ACYP2: variants seen among roughly 807,000 people sequenced by gnomAD.
ACYP2 encodes the protein acylphosphatase 2, also known as acylphosphatase-2.
Under a neutral mutation model 11.2 loss-of-function variants are expected in ACYP2, and 12 were observed. The ratio of observed to expected loss-of-function variants is 1.08; its 90% CI spans 0.69 to 1.74. The LOEUF (loss-of-function observed/expected upper bound fraction) is 1.74, where lower values mean the gene tolerates loss of function less well. Among genes scored for constraint, ACYP2 ranks in the 40% most tolerant of loss-of-function variants. The pLI is 0.00. For missense variants in ACYP2, 134 were observed against 101.9 expected, an observed-to-expected ratio of 1.31 and a Z score of -1.35; for synonymous variants, 43 against 32.2, an observed-to-expected ratio of 1.33 and a Z score of -1.13.
chr2:54,014,723 TAAA>T (rs944781129), intron 2 of ACYP2, among the ~76,000 whole-genome samples: 6 of 147,132 alleles, frequency 4.1e-5, no homozygotes, highest in Admixed American at 2.7e-4. Context: ...AATAAATTTG[TAAA>T]AAAAAAATTT....
chr2:54,125,331 A>G (rs1265095557), intron 4 of ACYP2, among the ~76,000 whole-genome samples: 1 of 152,216 alleles, frequency 6.6e-6, no homozygotes, highest in Admixed American at 6.5e-5. Context: ...AAACGCCATA[A>G]TCTTGCATGT....
rs1232477516 is a variant in ACYP2 at position 54,197,936 on chromosome 2, TGTA to T, written c.404+59189_404+59191del. 2.2e-4 allele frequency among the ~76,000 whole-genome samples: 17 copies of T among 76,198 alleles called. No individual in the cohort carries two copies. In the East Asian group the frequency reaches 5.2e-3, roughly 23 times the overall value. The allele number at this position is 76,198 out of a possible 152,430, so 50.0% of individuals were successfully genotyped here. A position where few individuals can be genotyped will look rare whatever the true frequency, so the allele number is the denominator to read the frequency against. ...TTTATTATTTTATTTTATTTATGTA[TGTA>T]TTATATTGTATTGTATTGTATTGTA... On this transcript the variant is annotated intron_variant, in intron 6 of 6. Transcript: ENST00000607452.
chr2:54,153,238 C>A (rs1030513309), intron 6 of ACYP2, among the ~76,000 whole-genome samples: 5 of 144,710 alleles, frequency 3.5e-5, no homozygotes, highest in African/African-American at 1.3e-4. Context: ...TGTCTTTGCC[C>A]CATCGTGTGT....
At chr2:53,989,277 CTTTTTTTT>C (rs775237196) in intron 2 of ACYP2, among the ~76,000 whole-genome samples, 24 of 94,806 alleles carry the variant, frequency 2.5e-4, no homozygotes, top group African/African-American at 9.4e-4. Flanking sequence ...GTAGACAATT[CTTTTTTTT>C]TTTTTTTTTT....
chr2:54,289,572 CG>C lies in ACYP2; in HGVS notation c.405-15115del, dbSNP rs542189637. ...TGGCATATGAGTACAAAAAGGAAAA[CG>C]TTTTTTATGATCATCTCTGTCTACA... On this transcript the variant is annotated intron_variant, in intron 6 of 6. Coordinates refer to ENST00000607452, the MANE Select transcript of ACYP2 (RefSeq NM_001320586.2). Among the ~76,000 whole-genome samples, 155 of 151,966 alleles carry C rather than the reference CG, an allele frequency of 1.0e-3. 3 individuals carry two copies. Among genetic ancestry groups the C allele is most frequent in the African/African-American group, 3.6e-3 (147 of 41,324 alleles).
intron 4 of ACYP2, among the ~76,000 whole-genome samples, chr2:54,126,950 G>A (rs1190608734): frequency 9.2e-6 from 1 of 109,060 alleles, no homozygotes; most frequent in African/African-American, 3.7e-5. Flanking sequence ...GCGAAACTCC[G>A]TCTCAAAAAA....
At chr2:54,257,710 C>T (rs1687618304) in intron 6 of ACYP2, among the ~76,000 whole-genome samples, 1 of 152,100 alleles carries the variant, frequency 6.6e-6, no homozygotes, top group African/African-American at 2.4e-5. Flanking sequence ...AAATTATAGT[C>T]ACATTGATGG....
chr2:54,017,160 A>G (rs959582102), intron 2 of ACYP2, among the ~76,000 whole-genome samples: 1 of 152,166 alleles, frequency 6.6e-6, no homozygotes, highest in Non-Finnish European at 1.5e-5. Flanking sequence ...GCCCTTCTGT[A>G]AGGGCCCTTA....
intron 2 of ACYP2, among the ~76,000 whole-genome samples, chr2:54,014,179 AACTC>A (rs1383310177): frequency 6.6e-6 from 1 of 152,018 alleles, no homozygotes; most frequent in Admixed American, 6.6e-5. Context: ...AAAAGAAAGA[AACTC>A]AGTAAAATTA....
chr2:54,264,347 C>A (rs761364344), intron 6 of ACYP2, among the ~76,000 whole-genome samples: 1 of 152,152 alleles, frequency 6.6e-6, no homozygotes, highest in Admixed American at 6.5e-5. Context: ...CTGGCTCTGG[C>A]GGTCAGCTTT....
At chr2:54,199,151 C>T (rs1572922375) in intron 6 of ACYP2, among the ~76,000 whole-genome samples, 3 of 152,328 alleles carry the variant, frequency 2.0e-5, no homozygotes, top group African/African-American at 7.2e-5. Context: ...CATGGCCCAT[C>T]AGCCCTGTGA....
intron 2 of ACYP2, among the ~76,000 whole-genome samples, chr2:54,015,278 G>A (rs1331406803): frequency 6.6e-6 from 1 of 151,774 alleles, no homozygotes; most frequent in Non-Finnish European, 1.5e-5. Flanking sequence ...CTGGGAGGCC[G>A]AGGCGAGCAG....
At chr2:54,153,710 C>T (rs1682303395) in intron 6 of ACYP2, among the ~76,000 whole-genome samples, 1 of 151,644 alleles carries the variant, frequency 6.6e-6, no homozygotes, top group Non-Finnish European at 1.5e-5. Flanking sequence ...CACCATTCTC[C>T]TGCCTCAGCC....
intron 6 of ACYP2, among the ~76,000 whole-genome samples, chr2:54,186,868 G>T (rs1420352518): frequency 6.6e-6 from 1 of 151,954 alleles, no homozygotes; most frequent in African/African-American, 2.4e-5. Flanking sequence ...TCATAGCATA[G>T]TAGTTAAATA....
chr2:54,105,153 G>C (rs1317063304), intron 4 of ACYP2, among the ~76,000 whole-genome samples: 1 of 152,092 alleles, frequency 6.6e-6, no homozygotes, highest in Non-Finnish European at 1.5e-5. Flanking sequence ...ACTCTTCCCC[G>C]GCTTCCCACT....
intron 2 of ACYP2, among the ~76,000 whole-genome samples, chr2:54,009,346 G>T (rs1673243381): frequency 6.6e-6 from 1 of 151,850 alleles, no homozygotes. Context: ...ATCACCTTAG[G>T]TCAGGAGTTT....
chr2:54,232,734 T>C (rs562872306), intron 6 of ACYP2, among the ~76,000 whole-genome samples: 1 of 152,114 alleles, frequency 6.6e-6, no homozygotes, highest in African/African-American at 2.4e-5. Context: ...GCAAGGCATG[T>C]CTTACATGGC....
At chr2:53,980,776 G>A (rs190202848) in intron 2 of ACYP2, among the ~76,000 whole-genome samples, 55 of 151,302 alleles carry the variant, frequency 3.6e-4, no homozygotes, top group African/African-American at 1.3e-3. Flanking sequence ...TTTTTAGATA[G>A]GCTTTCACTC....
chr2:54,115,717 C>T (rs752706412), intron 4 of ACYP2: 3 of 1,613,040 alleles, frequency 1.9e-6, no homozygotes, highest in South Asian at 1.1e-5. Context: ...CGCCCAGTCA[C>T]TCAAATCCGT....
Sources: allele counts gnomAD v4.1 joint callset (sites outside exome capture counted in the v4.1 genomes callset), GRCh38; gene constraint gnomAD v4.1.1; transcripts MANE v1.5; gene names NCBI Gene and HGNC (gene_info 2026-07-23, HGNC 2026-07-21).